Variants in EDN3 observed in about 807,000 individuals in gnomAD.
EDN3 encodes endothelin 3.
A neutral mutation model predicts 21.4 loss-of-function variants in EDN3; 9 were observed. The observed-to-expected ratio is 0.42, with a 90% CI of 0.25 to 0.73. EDN3 has a LOEUF of 0.73. Ranked by LOEUF, EDN3 falls within the 30% of genes least tolerant of loss-of-function variation. EDN3 has a pLI of 0.26. For synonymous variants in EDN3, 133 were observed against 126.2 expected, an observed-to-expected ratio of 1.05 and a Z score of -0.36; for missense variants, 327 against 309.4, an observed-to-expected ratio of 1.06 and a Z score of -0.43.
At chr20:59,304,482 G>A (rs1989259221) in intron 2 of EDN3, among the ~76,000 whole-genome samples, 1 of 152,214 alleles carries the variant, frequency 6.6e-6, no homozygotes, top group African/African-American at 2.4e-5. Flanking sequence ...AAGGAGCCTT[G>A]ATTCTTGTGC....
chr20:59,315,985 A>T (rs1990152036), intron 2 of EDN3, among the ~76,000 whole-genome samples: 1 of 152,136 alleles, frequency 6.6e-6, no homozygotes, highest in African/African-American at 2.4e-5. Flanking sequence ...AACGACTGAG[A>T]CCATTCTGGC....
intron 2 of EDN3, among the ~76,000 whole-genome samples, chr20:59,302,417 A>G (rs774268515): frequency 6.6e-6 from 1 of 152,088 alleles, no homozygotes; most frequent in African/African-American, 2.4e-5. Context: ...AGACAGCACC[A>G]TCCTGAATTT....
intron 2 of EDN3, among the ~76,000 whole-genome samples, chr20:59,316,839 AAC>A (rs1990218319): frequency 6.6e-6 from 1 of 152,240 alleles, no homozygotes; most frequent in Admixed American, 6.5e-5. Context: ...TTATTGGATG[AAC>A]ACACACAACA....
In EDN3 at chr20:59,301,683, A is replaced by G; in HGVS notation, c.326A>G (p.Tyr109Cys). The change falls in exon 2 of 5, where the codon TAC becomes TGC. Residue 109 changes from tyrosine to cysteine, a missense_variant. Transcript: ENST00000337938. ...CFTYKDKECV[Y>C]YCHLDIIWIN... ...ACCTACAAGGACAAGGAGTGTGTCT[A>G]CTATTGCCACCTGGACATCATTTGG... The G allele has an allele frequency of 6.2e-7, 1 of 1,614,160 alleles. No homozygotes were observed. The highest frequency in any genetic ancestry group is 8.5e-7 in the Non-Finnish European group (1 of 1,180,006).
Position 59,325,596 on chromosome 20 carries a change from C to T in EDN3, c.*1137C>T, listed in dbSNP as rs1990794333. The T allele has an allele frequency of 1.3e-5, 2 of 152,146 alleles. No individual in the cohort carries two copies. The highest frequency in any genetic ancestry group is 2.4e-5 in the African/African-American group (1 of 41,430). 9.4% of individuals were successfully genotyped at this position (152,146 alleles called of 1,614,324 possible). A position where few individuals can be genotyped will look rare whatever the true frequency, so the allele number is the denominator to read the frequency against. On this transcript the variant is annotated 3_prime_UTR_variant, in exon 5 of 5. Transcript: ENST00000337938. ...TGTATGACAGAGCATTGGCCTTGAC[C>T]AAATGTTAAATCCTCTGTGTGTATT...
intron 2 of EDN3, among the ~76,000 whole-genome samples, chr20:59,311,961 A>G (rs1267414140): frequency 6.6e-6 from 1 of 152,160 alleles, no homozygotes; most frequent in Non-Finnish European, 1.5e-5. Context: ...TTAACCTGGT[A>G]TCTCCTGAAA....
chr20:59,312,661 T>A (rs950980552), intron 2 of EDN3, among the ~76,000 whole-genome samples: 1 of 152,212 alleles, frequency 6.6e-6, no homozygotes, highest in Non-Finnish European at 1.5e-5. Flanking sequence ...TGGGAACCAC[T>A]TATCTTGGGT....
rs1420834927 is a variant in EDN3 at position 59,305,004 on chromosome 20, T to C, written c.365+3282T>C. Among the ~76,000 whole-genome samples the C allele has an allele frequency of 6.6e-6, 1 of 152,188 alleles. No individual in the cohort carries two copies. Among genetic ancestry groups the C allele is most frequent in the Non-Finnish European group, 1.5e-5 (1 of 68,034 alleles). On this transcript the variant is annotated intron_variant, in intron 2 of 4. Coordinates refer to ENST00000337938, the MANE Select transcript of EDN3 (RefSeq NM_207034.3). The surrounding 1 kb of genome is among the most constrained non-coding windows in gnomAD (Gnocchi z 4.2). Reference sequence around the variant, plus strand: ...TTCTCCCACACAGGAGGCCTCTTTCTCCAGGTGCCTGGCTGCTCTTCAGGG... The same window carrying C: ...TTCTCCCACACAGGAGGCCTCTTTCCCCAGGTGCCTGGCTGCTCTTCAGGG...
At chr20:59,319,686 A>G (rs1990400107) in intron 2 of EDN3, among the ~76,000 whole-genome samples, 1 of 149,280 alleles carries the variant, frequency 6.7e-6, no homozygotes, top group Non-Finnish European at 1.5e-5. Context: ...AGATCGTGCC[A>G]TTGCACTCCA....
At position 59,325,249 on chromosome 20, in the gene EDN3, G is replaced by A. The variant is rs895752974; in HGVS notation, c.*790G>A. 2 of 152,480 alleles carry A rather than the reference G, an allele frequency of 1.3e-5. No homozygotes were observed. The highest frequency in any genetic ancestry group is 2.4e-5 in the African/African-American group (1 of 41,450). The allele number at this position is 152,480 out of a possible 1,614,324, so 9.4% of individuals were successfully genotyped here. A position where few individuals can be genotyped will look rare whatever the true frequency, so the allele number is the denominator to read the frequency against. On this transcript the variant is annotated 3_prime_UTR_variant, in exon 5 of 5. Transcript: ENST00000337938. ...AGACAGCCCCAGCTCAAGGCTATTA[G>A]GTTGAATATTTGCTTTCATGAGTAA... is the stretch of plus-strand genomic sequence containing the variant.
rs1990772244 is a variant in EDN3, at chr20:59,325,245, A to G, written c.*786A>G. 1 of 152,500 alleles carries G rather than the reference A, an allele frequency of 6.6e-6. No individual in the cohort carries two copies. The highest frequency in any genetic ancestry group is 2.1e-4 in the South Asian group (1 of 4,830). The allele number at this position is 152,500 out of a possible 1,614,324, so 9.4% of individuals were successfully genotyped here. A position where few individuals can be genotyped will look rare whatever the true frequency, so the allele number is the denominator to read the frequency against. On this transcript the variant is annotated 3_prime_UTR_variant, in exon 5 of 5. Coordinates refer to ENST00000337938, the MANE Select transcript of EDN3 (RefSeq NM_207034.3). ...GTAAAGACAGCCCCAGCTCAAGGCT[A>G]TTAGGTTGAATATTTGCTTTCATGA...
At chr20:59,304,855 C>T (rs1989290281) in intron 2 of EDN3, among the ~76,000 whole-genome samples, 1 of 152,154 alleles carries the variant, frequency 6.6e-6, no homozygotes, top group Non-Finnish European at 1.5e-5. Context: ...TTGGTCGGCC[C>T]TTTCTGTTAG....
chr20:59,318,829 C>A (rs1317336468), intron 2 of EDN3, among the ~76,000 whole-genome samples: 1 of 152,218 alleles, frequency 6.6e-6, no homozygotes, highest in Non-Finnish European at 1.5e-5. Context: ...AATGCATAAT[C>A]AGCTGACAGC....
rs745795470 is a variant in EDN3, at chr20:59,301,650, C to A, written c.293C>A (p.Thr98Lys). ...APEHHRSRRC[T>K]CFTYKDKECV... ...GAGCACCACCGATCCAGGCGCTGCA[C>A]GTGCTTCACCTACAAGGACAAGGAG... Residue 98 changes from threonine (T) to lysine (K), a missense_variant, in exon 2 of 5, where the codon ACG (threonine) becomes AAG (lysine). By Grantham distance (78) the Thr-to-Lys change is moderately conservative. Transcript: ENST00000337938. 14 of 1,614,220 alleles carry A rather than the reference C, an allele frequency of 8.7e-6. No individual in the cohort carries two copies. The South Asian group carries it at 1.5e-4, about 18-fold the overall frequency.
chr20:59,322,393 A>C lies in EDN3; in HGVS notation c.564A>C (p.Lys188Asn). 1 of 1,614,214 alleles carries C rather than the reference A, an allele frequency of 6.2e-7. No homozygotes were observed. The highest frequency in any genetic ancestry group is 8.5e-7 in the Non-Finnish European group (1 of 1,180,044). The stretch of plus-strand genomic sequence containing the variant: ...ACAGTAATTCAAGGACGGCAGAAAA[A>C]ACAGACAAAGAAGAGGAAGGGAAGG... ...DVSSNSRTAEKTDKEEEGKVE... is the reference protein window; with the variant it reads ...DVSSNSRTAENTDKEEEGKVE... The change falls in exon 4 of 5, where the codon AAA becomes AAC. Residue 188 changes from lysine (K) to asparagine (N), a missense_variant. Transcript: ENST00000337938. This position sits in a 1 kb window ranked among gnomAD's most constrained non-coding sequence, Gnocchi z 4.1.
intron 2 of EDN3, among the ~76,000 whole-genome samples, chr20:59,308,515 G>A (rs909214800): frequency 2.6e-5 from 4 of 152,216 alleles, no homozygotes; most frequent in African/African-American, 9.6e-5. Flanking sequence ...CAAACTGTGG[G>A]CTCGAATGCC....
At chr20:59,313,592 T>A (rs1012501832) in intron 2 of EDN3, among the ~76,000 whole-genome samples, 3 of 152,186 alleles carry the variant, frequency 2.0e-5, no homozygotes, top group African/African-American at 7.2e-5. Context: ...GCTCACTGCT[T>A]TTGGTATTTC....
chr20:59,312,552 G>A (rs1469897933), intron 2 of EDN3, among the ~76,000 whole-genome samples: 1 of 152,142 alleles, frequency 6.6e-6, no homozygotes, highest in Admixed American at 6.5e-5. Context: ...TAAATGCTGC[G>A]ACTTTGAGAT....
chr20:59,324,767 A>G lies in EDN3; in HGVS notation c.*308A>G, dbSNP rs1246092521. 16 of 444,482 alleles carry G rather than the reference A, an allele frequency of 3.6e-5. 1 individual carries two copies. The highest frequency in any genetic ancestry group is 2.3e-4 in the South Asian group (10 of 43,602). The allele number at this position is 444,482 out of a possible 1,614,324, so 27.5% of individuals were successfully genotyped here. ...GGAAAGCCACTTACTGGCTTTTGAC[A>G]TGACTTCTCTTGGAGAATAAGTGGA... On this transcript the variant is annotated 3_prime_UTR_variant, in exon 5 of 5. Coordinates refer to ENST00000337938, the MANE Select transcript of EDN3 (RefSeq NM_207034.3).
Sources: allele counts gnomAD v4.1 joint callset (sites outside exome capture counted in the v4.1 genomes callset), GRCh38; gene constraint gnomAD v4.1.1; non-coding constraint Gnocchi (gnomAD v3.1); transcripts MANE v1.5; gene names NCBI Gene and HGNC (gene_info 2026-07-23, HGNC 2026-07-21).